NCAPG2: variants seen among roughly 807,000 people sequenced by gnomAD.
NCAPG2 encodes the protein condensin-2 complex subunit G2.
Under a neutral mutation model 141.1 loss-of-function variants are expected in NCAPG2, and 53 were observed. The observed-to-expected ratio is 0.38, with a 90% CI of 0.30 to 0.47. The LOEUF (loss-of-function observed/expected upper bound fraction) is 0.47, where lower values mean the gene tolerates loss of function less well. Ranked by LOEUF, NCAPG2 falls within the 20% of genes least tolerant of loss-of-function variation. NCAPG2 has a pLI of 0.99. For missense variants in NCAPG2, 1,087 were observed against 1,389.0 expected, an observed-to-expected ratio of 0.78 and a Z score of 3.46; for synonymous variants, 499 against 490.7, an observed-to-expected ratio of 1.02 and a Z score of -0.22.
chr7:158,631,555 C>A lies in NCAPG2; in HGVS notation c.*111G>T. 9.4e-7 allele frequency: 1 copy of A among 1,063,016 alleles called. No individual in the cohort carries two copies. 65.8% of individuals were successfully genotyped at this position (1,063,016 alleles called of 1,614,324 possible). ...CCCACATTCCCACAAAAAAATCCCA[C>A]CCTTTCCCTATTATATGGGTTATTA... is the stretch of plus-strand genomic sequence containing the variant. On this transcript the variant is annotated 3_prime_UTR_variant, in exon 28 of 28. Transcript: ENST00000356309.
At chr7:158,644,052 CTT>C (rs759694743) in intron 27 of NCAPG2, among the ~76,000 whole-genome samples, 2 of 152,244 alleles carry the variant, frequency 1.3e-5, no homozygotes, top group Non-Finnish European at 2.9e-5. Flanking sequence ...TATGCCCTCA[CTT>C]TTCTACAGTA....
chr7:158,690,701 T>C lies in NCAPG2; in HGVS notation c.404A>G (p.Glu135Gly). 1 of 1,614,092 alleles carries C rather than the reference T, an allele frequency of 6.2e-7. No homozygotes were observed. Among genetic ancestry groups the C allele is most frequent in the Non-Finnish European group, 8.5e-7 (1 of 1,179,974 alleles). ...AGAACTCTGTAGTTTTCGTTCAGAC[T>C]CAGGTAATGCATATAAAATACCTAA... ...ILNGILYALPESERKLQSSIQ... is the reference protein window; with the variant it reads ...ILNGILYALPGSERKLQSSIQ... The change falls in exon 5 of 28, where the codon GAG becomes GGG. Residue 135 changes from glutamate to glycine, a missense_variant. Coordinates refer to ENST00000356309, the MANE Select transcript of NCAPG2 (RefSeq NM_017760.7).
In NCAPG2 at chr7:158,635,294, T is replaced by G. The variant is rs575957845; in HGVS notation, c.3381-3577A>C. 4.6e-5 allele frequency among the ~76,000 whole-genome samples: 7 copies of G among 152,248 alleles called. No individual in the cohort carries two copies. In the South Asian group the frequency reaches 1.5e-3, roughly 32 times the overall value. On this transcript the variant is annotated intron_variant, in intron 27 of 27. Transcript: ENST00000356309. ...AAAGACTGTTAAAATTAAAGCAGAA[T>G]AAAATGAATTGATATTCATTTATCA...
intron 27 of NCAPG2, chr7:158,641,688 A>C (rs538942578): frequency 2.2e-6 from 1 of 462,398 alleles, no homozygotes; most frequent in African/African-American, 2.0e-5. Context: ...AGAGATAAAG[A>C]AGAGCATTAC....
chr7:158,696,333 C>A (rs919014131), intron 2 of NCAPG2: 4 of 152,228 alleles, frequency 2.6e-5, no homozygotes, highest in African/African-American at 9.7e-5. Context: ...CTGAAGGCCA[C>A]TTCCTCAATA....
rs1323184384 is a variant in NCAPG2, at chr7:158,650,952, C to T, written c.2955G>A (p.Arg985=). The T allele has an allele frequency of 4.4e-6, 7 of 1,607,344 alleles. No individual in the cohort carries two copies. The highest frequency in any genetic ancestry group is 2.2e-5 in the East Asian group (1 of 44,686). The part of the protein sequence containing the change: ...EGLRLLYSVQ[R]PLHEFITAVQ... ...CAGCAGTAATGAACTCATGAAGAGG[C>T]CTCTGAACAGAATAAAGCAGCTACA... Residue 985 remains arginine (R), a synonymous_variant, in exon 24 of 28, where the codon AGG becomes AGA. Coordinates refer to ENST00000356309, the MANE Select transcript of NCAPG2 (RefSeq NM_017760.7).
At chr7:158,677,525 CAAAAAAAAAAA>C in intron 11 of NCAPG2, among the ~76,000 whole-genome samples, 5 of 90,402 alleles carry the variant, frequency 5.5e-5, no homozygotes, top group South Asian at 3.2e-4. Context: ...AAAAATAAAG[CAAAAAAAAAAA>C]AAAAAAAAAA....
intron 13 of NCAPG2, among the ~76,000 whole-genome samples, chr7:158,671,292 G>C (rs2290391): frequency 0.34 from 51,249 of 152,036 alleles, 9,055 homozygotes; most frequent in African/African-American, 0.42. Flanking sequence ...AAATACAATG[G>C]AAGGCAGGGG....
chr7:158,672,294 A>ATG (rs1833755930), intron 12 of NCAPG2, among the ~76,000 whole-genome samples: 1 of 22,620 alleles, frequency 4.4e-5, no homozygotes, highest in Non-Finnish European at 7.4e-5. Flanking sequence ...GTGTGTGTGT[A>ATG]TATATATATA....
intron 9 of NCAPG2, among the ~76,000 whole-genome samples, chr7:158,683,086 A>G (rs1481146840): frequency 6.6e-6 from 1 of 152,224 alleles, no homozygotes; most frequent in African/African-American, 2.4e-5. Context: ...AGGTCATTCA[A>G]ATACAATACT....
At chr7:158,679,621 G>A (rs906934804) in intron 11 of NCAPG2, among the ~76,000 whole-genome samples, 3 of 152,204 alleles carry the variant, frequency 2.0e-5, no homozygotes, top group Admixed American at 6.5e-5. Flanking sequence ...ACCCCAGAGA[G>A]CAGGGGGCTG....
chr7:158,662,573 C>A (rs1406461035), intron 15 of NCAPG2, among the ~76,000 whole-genome samples: 1 of 152,228 alleles, frequency 6.6e-6, no homozygotes, highest in Non-Finnish European at 1.5e-5. Context: ...ACTGACTCTA[C>A]ATCCTTTAAA....
chr7:158,677,789 C>A (rs1298049802), intron 11 of NCAPG2, among the ~76,000 whole-genome samples: 5 of 152,272 alleles, frequency 3.3e-5, no homozygotes, highest in Admixed American at 6.5e-5. Flanking sequence ...TCTGTCGCAT[C>A]CCTTCATTTA....
At chr7:158,641,599 T>C (rs1587065292) in intron 27 of NCAPG2, 4 of 575,072 alleles carry the variant, frequency 7.0e-6, no homozygotes, top group East Asian at 6.0e-5. Context: ...AGATATACCA[T>C]GCTTATTCTA....
At chr7:158,657,707 GA>G (rs1399523686) in intron 17 of NCAPG2, among the ~76,000 whole-genome samples, 3 of 152,242 alleles carry the variant, frequency 2.0e-5, no homozygotes, top group African/African-American at 7.2e-5. Flanking sequence ...TTGTGGAATG[GA>G]GAGGCGGGAA....
At chr7:158,694,519 G>C (rs969776999) in intron 2 of NCAPG2, among the ~76,000 whole-genome samples, 1 of 152,172 alleles carries the variant, frequency 6.6e-6, no homozygotes. Context: ...CATGCCATGC[G>C]CTTCCTGTCT....
At chr7:158,658,960 G>A (rs57665235) in intron 16 of NCAPG2, among the ~76,000 whole-genome samples, 105 of 151,056 alleles carry the variant, frequency 7.0e-4, no homozygotes, top group African/African-American at 2.4e-3. Flanking sequence ...AGAGGACTGC[G>A]TGAGGTCAAC....
rs1285101465 is a variant in NCAPG2, at chr7:158,633,732, A to T, written c.3381-2015T>A. Among the ~76,000 whole-genome samples, 1 of 152,200 alleles carries T rather than the reference A, an allele frequency of 6.6e-6. No homozygotes were observed. The highest frequency in any genetic ancestry group is 1.5e-5 in the Non-Finnish European group (1 of 68,032). On this transcript the variant is annotated intron_variant, in intron 27 of 27. Coordinates refer to ENST00000356309, the MANE Select transcript of NCAPG2 (RefSeq NM_017760.7). This position sits in a 1 kb window ranked among gnomAD's most constrained non-coding sequence, Gnocchi z 4.1. ...CAGAGGAGAACAGGCCCAGGAAGTCATGAACCCTCCAAAATCTAAAATTAA... is the reference window on the plus strand; with the variant it reads ...CAGAGGAGAACAGGCCCAGGAAGTCTTGAACCCTCCAAAATCTAAAATTAA...
At chr7:158,680,867 T>C (rs1360973114) in intron 9 of NCAPG2, 51 bp from the exon 10 acceptor site, 4 of 1,345,168 alleles carry the variant, frequency 3.0e-6, no homozygotes, top group Non-Finnish European at 4.1e-6. Flanking sequence ...AATAAATAAA[T>C]AAAATAAAAT....
Sources: allele counts gnomAD v4.1 joint callset (sites outside exome capture counted in the v4.1 genomes callset), GRCh38; gene constraint gnomAD v4.1.1; non-coding constraint Gnocchi (gnomAD v3.1); transcripts MANE v1.5; gene names NCBI Gene and HGNC (gene_info 2026-07-23, HGNC 2026-07-21).